The following URB1 variants were observed in gnomAD, a reference collection of about 807,000 sequenced individuals.
URB1 encodes URB1 ribosome biogenesis factor.
A neutral mutation model predicts 242.3 loss-of-function variants in URB1; 197 were observed. The observed-to-expected ratio is 0.81, with a 90% confidence interval of 0.72 to 0.91. The LOEUF (loss-of-function observed/expected upper bound fraction) is 0.91, where lower values mean the gene tolerates loss of function less well. URB1 is among the 40% of genes least tolerant of loss of function. URB1 has a pLI of 0.00. For synonymous variants in URB1, 1,153 were observed against 1,201.8 expected (o/e 0.96, Z 0.84); for missense variants, 2,721 against 2,860.5 (o/e 0.95, Z 1.11).
At chr21:32,320,876 G>A (rs756811637) in intron 34 of URB1, among the ~76,000 whole-genome samples, 4 of 152,116 alleles carry the variant, frequency 2.6e-5, no homozygotes, top group Non-Finnish European at 5.9e-5. Flanking sequence ...CCCCACTTCC[G>A]TTAATCCATC....
chr21:32,352,979 T>C, intron 18 of URB1, 73 bp from the exon 19 acceptor site: 2 of 1,437,790 alleles, frequency 1.4e-6, no homozygotes, highest in Non-Finnish European at 1.8e-6. Context: ...AACACCACCT[T>C]CTTCCACATA....
At chr21:32,352,437 C>T (rs2033168246) in intron 19 of URB1, among the ~76,000 whole-genome samples, 2 of 152,132 alleles carry the variant, frequency 1.3e-5, no homozygotes, top group Admixed American at 6.5e-5. Flanking sequence ...ACGCTCCTGC[C>T]CCAGGCTGGA....
intron 5 of URB1, chr21:32,377,300 C>T (rs2033470423): frequency 2.0e-6 from 1 of 511,350 alleles, no homozygotes; most frequent in Non-Finnish European, 3.9e-6. Flanking sequence ...GGGGACGGGC[C>T]CATCATAAAT....
intron 36 of URB1, among the ~76,000 whole-genome samples, chr21:32,318,135 A>C (rs1053873295): frequency 2.6e-5 from 4 of 152,180 alleles, no homozygotes; most frequent in Non-Finnish European, 5.9e-5. Flanking sequence ...CTGGAGTCTG[A>C]CCTGCACCCC....
chr21:32,337,921 G>A (rs1330117384), intron 26 of URB1, among the ~76,000 whole-genome samples: 1 of 152,028 alleles, frequency 6.6e-6, no homozygotes, highest in African/African-American at 2.4e-5. Context: ...CCTCCCAAAT[G>A]TTAAGCCAAT....
rs2032601869 is a variant in URB1 at position 32,312,284 on chromosome 21, A to C, written c.*2634T>G. ...GAAAATAAAATATATGCAAATCAAG[A>C]GGAAAAGCTGTTTGCTTACTAATCT... On this transcript the variant is annotated 3_prime_UTR_variant, in exon 39 of 39. Transcript: ENST00000382751. 7.3e-7 allele frequency: 1 copy of C among 1,362,624 alleles called. No individual in the cohort carries two copies. The highest frequency in any genetic ancestry group is 1.5e-5 in the African/African-American group (1 of 68,274). 84.4% of individuals were successfully genotyped at this position (1,362,624 alleles called of 1,614,324 possible).
intron 23 of URB1, 93 bp from the exon 24 acceptor site, chr21:32,344,849 A>C: frequency 7.3e-7 from 1 of 1,367,352 alleles, no homozygotes; most frequent in Non-Finnish European, 9.7e-7. Context: ...CATATGGGAT[A>C]GATGCTGAGT....
chr21:32,354,305 C>G (rs1054857442), intron 17 of URB1, among the ~76,000 whole-genome samples: 1 of 152,178 alleles, frequency 6.6e-6, no homozygotes, highest in African/African-American at 2.4e-5. Flanking sequence ...TGATAAAATG[C>G]AGGATATTCA....
rs374981531 is a variant in URB1 at position 32,337,129 on chromosome 21, C to A, written c.4650G>T (p.Ala1550=). The change falls in exon 28 of 39, where the codon GCG becomes GCT. Residue 1550 remains alanine (A), a synonymous_variant. Coordinates refer to ENST00000382751, the MANE Select transcript of URB1 (RefSeq NM_014825.3). ...LDQKILLLLR[A]YEQNKLSLIN... is the part of the protein sequence containing the mutation. ...TGAGGCTGAGCTTGTTCTGCTCATA[C>A]GCTCGAAGCAGAAGTAAAATCTTCT... is the stretch of plus-strand genomic sequence containing the variant. The A allele has an allele frequency of 1.1e-5, 17 of 1,551,758 alleles. No individual in the cohort carries two copies. In the African/African-American group the frequency reaches 2.3e-4, roughly 21 times the overall value.
chr21:32,339,007 T>C (rs1165742586), intron 25 of URB1, 107 bp from the exon 26 acceptor site: 1 of 1,196,196 alleles, frequency 8.4e-7, no homozygotes, highest in Non-Finnish European at 1.1e-6. Flanking sequence ...TTATTTATTT[T>C]TGAGATGGAG....
intron 34 of URB1, 98 bp downstream of exon 34, chr21:32,321,703 G>C (rs1405564012): frequency 6.7e-7 from 1 of 1,501,668 alleles, no homozygotes; most frequent in South Asian, 1.3e-5. Context: ...GTCGTGTCCA[G>C]GCTGGGAACT....
intron 30 of URB1, among the ~76,000 whole-genome samples, chr21:32,326,620 G>C (rs79300541): frequency 0.09 from 13,734 of 152,182 alleles, 679 homozygotes; most frequent in Middle Eastern, 0.15. Context: ...ATTTCCCCTT[G>C]CTGTTCTCAT....
intron 30 of URB1, among the ~76,000 whole-genome samples, chr21:32,326,891 T>G (rs560279444): frequency 6.6e-6 from 1 of 152,226 alleles, no homozygotes; most frequent in South Asian, 2.1e-4. Flanking sequence ...TTATCAGTGA[T>G]TAGACACTAG....
Position 32,368,686 on chromosome 21 carries a change from TGC to T in URB1, c.1002-90_1002-89del. ...ATGGTGACGTGCAGCTCTGCAGAAT[TGC>T]CCTCAGTGAACACAGCAATAACAAC... On this transcript the variant is annotated intron_variant, in intron 8 of 38. Coordinates refer to ENST00000382751, the MANE Select transcript of URB1 (RefSeq NM_014825.3). 5.2e-6 allele frequency: 6 copies of T among 1,155,606 alleles called. No homozygotes were observed. In the South Asian group the frequency reaches 9.6e-5, roughly 19 times the overall value. 71.6% of individuals were successfully genotyped at this position (1,155,606 alleles called of 1,614,324 possible).
chr21:32,352,654 G>A, intron 19 of URB1, 56 bp downstream of exon 19: 1 of 1,544,914 alleles, frequency 6.5e-7, no homozygotes, highest in Non-Finnish European at 8.7e-7. Context: ...AGCCAGCTGG[G>A]ACCCTGGGAA....
chr21:32,392,865 C>A lies in URB1; in HGVS notation c.46G>T (p.Ala16Ser). The stretch of plus-strand genomic sequence containing the variant: ...CGCTTGGCTGCACCCGCGGAGGAAG[C>A]CGCGCCGTCCTGGCCGCCCGAGGCC... The part of the protein sequence containing the change: ...RKASGGQDGA[A>S]SSAGAAKRAR... Residue 16 changes from alanine to serine, a missense_variant, in exon 1 of 39, where the codon GCT (alanine) becomes TCT (serine). Transcript: ENST00000382751. 1 of 1,532,800 alleles carries A rather than the reference C, an allele frequency of 6.5e-7. No individual in the cohort carries two copies. The highest frequency in any genetic ancestry group is 8.7e-7 in the Non-Finnish European group (1 of 1,144,974). 94.9% of individuals were successfully genotyped at this position (1,532,800 alleles called of 1,614,324 possible).
chr21:32,369,975 CAAAAA>C (rs34377037), intron 8 of URB1, among the ~76,000 whole-genome samples: 59 of 88,530 alleles, frequency 6.7e-4, no homozygotes, highest in Admixed American at 1.2e-3. Flanking sequence ...GTCTCCATCT[CAAAAA>C]AAAAAAAAAA....
chr21:32,359,746 C>CG, intron 14 of URB1, 50 bp downstream of exon 14: 2 of 1,474,686 alleles, frequency 1.4e-6, no homozygotes, highest in Non-Finnish European at 1.8e-6. Flanking sequence ...AGAAGCCACC[C>CG]GGCCCAGCAG....
At chr21:32,325,190 G>A (rs1172234160) in intron 31 of URB1, 39 bp downstream of exon 31, 2 of 1,521,398 alleles carry the variant, frequency 1.3e-6, no homozygotes, top group Non-Finnish European at 8.9e-7. Flanking sequence ...AGTCCGCCAG[G>A]CCCACCCCCA....
Sources: allele counts gnomAD v4.1 joint callset (sites outside exome capture counted in the v4.1 genomes callset), GRCh38; gene constraint gnomAD v4.1.1; transcripts MANE v1.5; gene names NCBI Gene and HGNC (gene_info 2026-07-23, HGNC 2026-07-21).